TBC1D22A: variants seen among roughly 807,000 people sequenced by gnomAD.
TBC1D22A encodes the protein TBC1 domain family member 22A.
TBC1D22A carries 38 observed loss-of-function variants against 60.2 expected under a neutral mutation model. The observed-to-expected ratio is 0.63, with a 90% confidence interval of 0.49 to 0.83. The LOEUF (loss-of-function observed/expected upper bound fraction) is 0.83. TBC1D22A is among the 40% of genes least tolerant of loss of function. The pLI, the probability that TBC1D22A is intolerant of heterozygous loss-of-function variation, is 0.00. For synonymous variants in TBC1D22A, 302 were observed against 281.7 expected (o/e 1.07, Z -0.72); for missense variants, 628 against 701.0 (o/e 0.90, Z 1.18).
chr22:46,937,737 G>A (rs1448012185), intron 8 of TBC1D22A, among the ~76,000 whole-genome samples: 1 of 152,166 alleles, frequency 6.6e-6, no homozygotes, highest in East Asian at 1.9e-4. Context: ...AGGTGTGGAG[G>A]TGGAATTAAT....
intron 12 of TBC1D22A, among the ~76,000 whole-genome samples, chr22:47,133,871 A>C (rs1053134136): frequency 3.3e-5 from 5 of 152,168 alleles, no homozygotes; most frequent in African/African-American, 1.2e-4. Flanking sequence ...AGCTCCAAAC[A>C]TCCTTCCGTG....
intron 9 of TBC1D22A, among the ~76,000 whole-genome samples, chr22:46,994,774 T>A (rs2239754): frequency 6.6e-6 from 1 of 152,012 alleles, no homozygotes; most frequent in African/African-American, 2.4e-5. Context: ...GAGGTTAAAT[T>A]ACATGATGTA....
chr22:47,079,380 C>T (rs1258725628), intron 11 of TBC1D22A, among the ~76,000 whole-genome samples: 1 of 152,176 alleles, frequency 6.6e-6, no homozygotes, highest in East Asian at 1.9e-4. Context: ...AGCCACCGTG[C>T]CCAGCCGGGA....
chr22:46,790,708 C>T (rs2084368869), intron 1 of TBC1D22A, among the ~76,000 whole-genome samples: 1 of 152,120 alleles, frequency 6.6e-6, no homozygotes, highest in South Asian at 2.1e-4. Context: ...GACACGGAGA[C>T]CACTGTTCTC....
At chr22:47,034,193 C>T (rs144685660) in intron 10 of TBC1D22A, among the ~76,000 whole-genome samples, 13 of 152,324 alleles carry the variant, frequency 8.5e-5, no homozygotes, top group East Asian at 1.9e-4. Flanking sequence ...GTGAGCAACA[C>T]GCTGGCGCTG....
At chr22:46,928,967 T>G (rs1303699438) in intron 8 of TBC1D22A, among the ~76,000 whole-genome samples, 2 of 152,064 alleles carry the variant, frequency 1.3e-5, no homozygotes, top group African/African-American at 4.8e-5. Context: ...GGCCGGGGGA[T>G]TGACTGTTAA....
At position 46,894,844 on chromosome 22, in the gene TBC1D22A, G is replaced by A. The variant is rs777796856; in HGVS notation, c.898G>A (p.Glu300Lys). ...EALILQPKVT[E>K]IFERILFIWA... Reference sequence around the variant, plus strand: ...GTTGATCCTGCAGCCCAAGGTGACGGAGGTAAGAAGCTCTTGCCGTGGGGA... The same window carrying A: ...GTTGATCCTGCAGCCCAAGGTGACGAAGGTAAGAAGCTCTTGCCGTGGGGA... The change falls in exon 7 of 13, where the codon GAG (glutamate) becomes AAG (lysine). Residue 300 changes from glutamate (E) to lysine (K), a missense_variant and splice_region_variant. Transcript: ENST00000337137. The A allele has an allele frequency of 2.5e-6, 4 of 1,614,230 alleles. No individual in the cohort carries two copies. Among genetic ancestry groups the A allele is most frequent in the Non-Finnish European group, 3.4e-6 (4 of 1,180,034 alleles).
At chr22:46,788,627 C>T (rs970057195) in intron 1 of TBC1D22A, among the ~76,000 whole-genome samples, 1 of 152,240 alleles carries the variant, frequency 6.6e-6, no homozygotes, top group African/African-American at 2.4e-5. Flanking sequence ...GCACCCAGGA[C>T]AGTGCCTGCC....
rs2068585781 is a variant in TBC1D22A at position 47,173,887 on chromosome 22, C to T, written c.*261C>T. ...CGGCCAGAGGCAGGTCAGGGGTCCC[C>T]TCTCCCTCTCCCTGCAATGTCCTTG... On this transcript the variant is annotated 3_prime_UTR_variant, in exon 13 of 13. Transcript: ENST00000337137. 1 of 425,168 alleles carries T rather than the reference C, an allele frequency of 2.4e-6. No individual in the cohort carries two copies. Among genetic ancestry groups the T allele is most frequent in the Non-Finnish European group, 4.3e-6 (1 of 231,668 alleles). 26.3% of individuals were successfully genotyped at this position (425,168 alleles called of 1,614,324 possible).
At chr22:47,037,022 T>C in intron 10 of TBC1D22A, 49 bp from the exon 11 acceptor site, 1 of 1,608,398 alleles carries the variant, frequency 6.2e-7, no homozygotes, top group Non-Finnish European at 8.5e-7. Context: ...TGCCAGTGCC[T>C]CCATAGGGCT....
intron 4 of TBC1D22A, among the ~76,000 whole-genome samples, chr22:46,874,833 C>T (rs2067474792): frequency 2.0e-5 from 3 of 152,130 alleles, no homozygotes; most frequent in South Asian, 4.1e-4. Context: ...CTTGGCCTCC[C>T]AAAGTGCTAG....
At chr22:47,013,404 G>C (rs576070471) in intron 10 of TBC1D22A, among the ~76,000 whole-genome samples, 2 of 152,132 alleles carry the variant, frequency 1.3e-5, no homozygotes, top group Non-Finnish European at 2.9e-5. Context: ...TAATTAAATT[G>C]TAAGTAGAGA....
chr22:46,766,945 A>C (rs148244394), intron 1 of TBC1D22A, among the ~76,000 whole-genome samples: 1 of 152,072 alleles, frequency 6.6e-6, no homozygotes, highest in Non-Finnish European at 1.5e-5. Context: ...GCTTGCTTTC[A>C]CTAGTGAGAT....
At chr22:47,052,023 G>A (rs984008426) in intron 11 of TBC1D22A, among the ~76,000 whole-genome samples, 5 of 152,116 alleles carry the variant, frequency 3.3e-5, no homozygotes, top group Admixed American at 1.3e-4. Flanking sequence ...CAGAGCGGGC[G>A]GGATGCCTCC....
At chr22:47,078,686 T>C (rs566944709) in intron 11 of TBC1D22A, among the ~76,000 whole-genome samples, 2 of 152,352 alleles carry the variant, frequency 1.3e-5, no homozygotes, top group South Asian at 4.1e-4. Flanking sequence ...TGTTGCACCC[T>C]TTTTTGCTGA....
At chr22:46,875,981 A>G (rs2067542571) in intron 4 of TBC1D22A, among the ~76,000 whole-genome samples, 1 of 152,122 alleles carries the variant, frequency 6.6e-6, no homozygotes. Context: ...GCGCTCACAG[A>G]AGAGATAAGT....
intron 5 of TBC1D22A, among the ~76,000 whole-genome samples, chr22:46,886,713 AC>A (rs1569175790): frequency 6.6e-6 from 1 of 152,202 alleles, no homozygotes; most frequent in Non-Finnish European, 1.5e-5. Flanking sequence ...AGCCAGTGTC[AC>A]CTTCAAAATG....
intron 12 of TBC1D22A, among the ~76,000 whole-genome samples, chr22:47,144,546 G>T (rs1163952662): frequency 6.6e-6 from 1 of 152,234 alleles, no homozygotes; most frequent in Non-Finnish European, 1.5e-5. Flanking sequence ...TGCCTGGCGT[G>T]CACACAGTAT....
chr22:46,778,943 C>T (rs1424230909), intron 1 of TBC1D22A, among the ~76,000 whole-genome samples: 1 of 152,126 alleles, frequency 6.6e-6, no homozygotes, highest in African/African-American at 2.4e-5. Context: ...ACCCAGGAGT[C>T]TGAGGCAGGA....
Sources: allele counts gnomAD v4.1 joint callset (sites outside exome capture counted in the v4.1 genomes callset), GRCh38; gene constraint gnomAD v4.1.1; transcripts MANE v1.5; gene names NCBI Gene and HGNC (gene_info 2026-07-23, HGNC 2026-07-21).